The following DECR2 variants were observed in gnomAD, a reference collection of about 807,000 sequenced individuals.
DECR2 encodes 2,4-dienoyl-CoA reductase 2.
In DECR2, 34 loss-of-function variants were observed where a neutral mutation model predicts 29.2. The ratio of observed to expected loss-of-function variants is 1.16; its 90% CI spans 0.89 to 1.55. The LOEUF (loss-of-function observed/expected upper bound fraction) is 1.55, where lower values mean the gene tolerates loss of function less well. Among genes scored for constraint, DECR2 ranks in the 40% most tolerant of loss-of-function variants. The pLI, the probability that DECR2 is intolerant of heterozygous loss-of-function variation, is 0.00. For synonymous variants in DECR2, 224 were observed against 182.7 expected, an observed-to-expected ratio of 1.23 and a Z score of -1.82; for missense variants, 485 against 425.3, an observed-to-expected ratio of 1.14 and a Z score of -1.23.
At chr16:404,412 A>C (rs867922058) in intron 1 of DECR2, among the ~76,000 whole-genome samples, 12 of 147,602 alleles carry the variant, frequency 8.1e-5, no homozygotes, top group Non-Finnish European at 1.5e-5. Context: ...CTAATTTTTT[A>C]TATTTTTAGT....
Position 410,310 on chromosome 16 carries a change from C to G in DECR2, c.405C>G (p.Asp135Glu). Residue 135 changes from aspartate to glutamate, a missense_variant, in exon 5 of 9, where the codon GAC (aspartate) becomes GAG (glutamate). Asp to Glu is a conservative substitution (Grantham distance 45, BLOSUM62 2). Transcript: ENST00000219481. This position sits in a 1 kb window ranked among gnomAD's most constrained non-coding sequence, Gnocchi z 4.1. ...LSFNAFKTVM[D>E]IDTSGTFNVS... Reference sequence around the variant, plus strand: ...TCAACGCCTTCAAGACCGTGATGGACATCGATACCAGCGGCACCTTCAATG... The same window carrying G: ...TCAACGCCTTCAAGACCGTGATGGAGATCGATACCAGCGGCACCTTCAATG... 1 of 1,613,590 alleles carries G rather than the reference C, an allele frequency of 6.2e-7. No homozygotes were observed. The highest frequency in any genetic ancestry group is 8.5e-7 in the Non-Finnish European group (1 of 1,179,804).
Position 411,076 on chromosome 16 carries a change from G to C in DECR2, c.661G>C (p.Gly221Arg). ...TGGCACAGAGGGGCTCCGGCGACTG[G>C]GTAAGGCTCTCAGGGAGCCCAGGCC... is the stretch of plus-strand genomic sequence containing the variant. ...ISGTEGLRRLGGPQASLSTKV... is the reference protein window; with the variant it reads ...ISGTEGLRRLRGPQASLSTKV... The change falls in exon 7 of 9, where the codon GGT becomes CGT. Residue 221 changes from glycine (G) to arginine (R), a missense_variant and splice_region_variant. Physicochemically the swap from Gly to Arg is moderately radical, Grantham distance 125 (BLOSUM62 -2). Transcript: ENST00000219481. The C allele has an allele frequency of 7.9e-6, 12 of 1,524,442 alleles. No homozygotes were observed. The highest frequency in any genetic ancestry group is 9.7e-6 in the Non-Finnish European group (11 of 1,139,134). 94.4% of individuals were successfully genotyped at this position (1,524,442 alleles called of 1,614,324 possible).
chr16:410,314 G>C lies in DECR2; in HGVS notation c.409G>C (p.Asp137His), dbSNP rs183925447. 1 of 1,613,496 alleles carries C rather than the reference G, an allele frequency of 6.2e-7. No individual in the cohort carries two copies. ...CGCCTTCAAGACCGTGATGGACATC[G>C]ATACCAGCGGCACCTTCAATGTGTC... is the stretch of plus-strand genomic sequence containing the variant. The part of the protein sequence containing the change: ...FNAFKTVMDI[D>H]TSGTFNVSRV... Residue 137 changes from aspartate (D) to histidine (H), a missense_variant, in exon 5 of 9, where the codon GAT (aspartate) becomes CAT (histidine). By Grantham distance (81) the Asp-to-His change is moderately conservative (BLOSUM62 -1). Transcript: ENST00000219481. The surrounding 1 kb of genome is among the most constrained non-coding windows in gnomAD (Gnocchi z 4.1).
intron 2 of DECR2, chr16:405,415 AC>A (rs767295735): frequency 7.8e-5 from 60 of 766,562 alleles, no homozygotes; most frequent in Non-Finnish European, 1.1e-4. Flanking sequence ...GGGGAAAGGG[AC>A]CCTTCCTCAG....
In DECR2 at chr16:401,997, G is replaced by A. The variant is rs1282801082; in HGVS notation, c.34G>A (p.Asp12Asn). Residue 12 changes from aspartate to asparagine, a missense_variant, in exon 1 of 9, where the codon GAC becomes AAC. Physicochemically the swap from Asp to Asn is conservative, Grantham distance 23. Coordinates refer to ENST00000219481, the MANE Select transcript of DECR2 (RefSeq NM_020664.4). The part of the protein sequence containing the change: ...AQPPPDVEGD[D>N]CLPAYRHLFC... ...GCCGCCGCCCGACGTGGAGGGGGAC[G>A]ACTGTCTCCCCGCGTACCGCCACCT... The A allele has an allele frequency of 6.7e-6, 10 of 1,490,396 alleles. No individual in the cohort carries two copies. Among genetic ancestry groups the A allele is most frequent in the African/African-American group, 1.4e-5 (1 of 69,290 alleles). 92.3% of individuals were successfully genotyped at this position (1,490,396 alleles called of 1,614,324 possible). A position where few individuals can be genotyped will look rare whatever the true frequency, so the allele number is the denominator to read the frequency against.
At chr16:403,446 C>T (rs1009717879) in intron 1 of DECR2, among the ~76,000 whole-genome samples, 1 of 152,162 alleles carries the variant, frequency 6.6e-6, no homozygotes, top group Non-Finnish European at 1.5e-5. Context: ...ACAAGAAAAT[C>T]TCTAATAAAT....
chr16:406,497 C>T (rs2054725822), intron 3 of DECR2, 100 bp downstream of exon 3: 2 of 1,312,400 alleles, frequency 1.5e-6, no homozygotes, highest in African/African-American at 1.5e-5. Context: ...GATGTTGGCA[C>T]CAAAACTTTT....
chr16:406,292 C>CA, intron 2 of DECR2, 54 bp from the exon 3 acceptor site: 1 of 1,434,266 alleles, frequency 7.0e-7, no homozygotes. Flanking sequence ...TGGGCAGATG[C>CA]CCCGGGAGTG....
chr16:411,436 C>T lies in DECR2; in HGVS notation c.737C>T (p.Ala246Val), dbSNP rs1172431272. Residue 246 changes from alanine (A) to valine (V), a missense_variant, in exon 8 of 9, where the codon GCC becomes GTC. Transcript: ENST00000219481. Reference protein sequence around the residue: ...LQRLGNKTEIAHSVLYLASPL... With the variant: ...LQRLGNKTEIVHSVLYLASPL... ...AGGCTGGGGAACAAGACCGAGATCG[C>T]CCACAGCGTGCTCTACCTGGCCAGC... The T allele has an allele frequency of 1.2e-6, 2 of 1,613,446 alleles. No individual in the cohort carries two copies. The highest frequency in any genetic ancestry group is 3.3e-5 in the Admixed American group (2 of 60,004).
chr16:405,104 T>C, intron 2 of DECR2, 80 bp downstream of exon 2: 1 of 1,551,764 alleles, frequency 6.4e-7, no homozygotes, highest in Non-Finnish European at 8.9e-7. Context: ...CCTGGAAAGA[T>C]GTTGGTGGGA....
chr16:410,605 G>A lies in DECR2; in HGVS notation c.463-86G>A, dbSNP rs1447635885. 68 of 1,418,946 alleles carry A rather than the reference G, an allele frequency of 4.8e-5. No individual in the cohort carries two copies. Among genetic ancestry groups the A allele is most frequent in the Non-Finnish European group, 6.0e-5 (62 of 1,029,572 alleles). 87.9% of individuals were successfully genotyped at this position (1,418,946 alleles called of 1,614,324 possible). A position where few individuals can be genotyped will look rare whatever the true frequency, so the allele number is the denominator to read the frequency against. On this transcript the variant is annotated intron_variant, in intron 5 of 8. Coordinates refer to ENST00000219481, the MANE Select transcript of DECR2 (RefSeq NM_020664.4). This position sits in a 1 kb window ranked among gnomAD's most constrained non-coding sequence, Gnocchi z 4.1. ...GACGGCCGCCCGCTCCCTGCCCCGG[G>A]CCTCCCCCTGACAGCCACCCGCTCA...
chr16:408,624 C>T (rs1205859767), intron 4 of DECR2, among the ~76,000 whole-genome samples: 6 of 151,734 alleles, frequency 4.0e-5, no homozygotes, highest in Non-Finnish European at 1.5e-5. Flanking sequence ...CCTCCTGCCC[C>T]AGCCTCCTGA....
intron 1 of DECR2, 112 bp downstream of exon 1, chr16:402,155 G>A: frequency 3.6e-6 from 3 of 837,444 alleles, no homozygotes; most frequent in South Asian, 6.6e-5. Context: ...TGTCTTGCCT[G>A]GCTCCTTTCT....
chr16:405,427 T>G, intron 2 of DECR2: 1 of 889,046 alleles, frequency 1.1e-6, no homozygotes, highest in Non-Finnish European at 1.5e-6. Context: ...CCTTCCTCAG[T>G]TCCCCTGAGG....
chr16:408,665 G>T (rs953854575), intron 4 of DECR2, among the ~76,000 whole-genome samples: 1 of 151,594 alleles, frequency 6.6e-6, no homozygotes, highest in African/African-American at 2.4e-5. Context: ...GTGCCATCAC[G>T]CCTGGCTAAT....
At chr16:411,209 T>G in intron 7 of DECR2, 133 bp downstream of exon 7, 1 of 1,180,252 alleles carries the variant, frequency 8.5e-7, no homozygotes, top group South Asian at 1.6e-5. Context: ...AACTATGTTC[T>G]GTGCCTGGCC....
At chr16:409,422 A>G (rs1204503) in intron 4 of DECR2, among the ~76,000 whole-genome samples, 90,871 of 149,884 alleles carry the variant, frequency 0.61, 28,998 homozygotes, top group African/African-American at 0.83. Flanking sequence ...CGCCCGCCTC[A>G]GCCTCCCAAA....
rs1430467241 is a variant in DECR2, at chr16:401,924, G to A, written c.-40G>A. 8.2e-6 allele frequency: 12 copies of A among 1,467,740 alleles called. No homozygotes were observed. Among genetic ancestry groups the A allele is most frequent in the South Asian group, 3.9e-5 (3 of 77,438 alleles). 90.9% of individuals were successfully genotyped at this position (1,467,740 alleles called of 1,614,324 possible). A position where few individuals can be genotyped will look rare whatever the true frequency, so the allele number is the denominator to read the frequency against. ...GCGCCGGGTCCTGGAGGCCGAGGCC[G>A]CTCCCGCCCGTTGTCCCCGCAGTCC... On this transcript the variant is annotated 5_prime_UTR_variant, in exon 1 of 9. Transcript: ENST00000219481.
chr16:405,548 G>A (rs866864129), intron 2 of DECR2: 44 of 1,304,682 alleles, frequency 3.4e-5, no homozygotes, highest in Non-Finnish European at 4.4e-5. Context: ...TGCAGCTCCA[G>A]TGGGACCTGC....
Sources: allele counts gnomAD v4.1 joint callset (sites outside exome capture counted in the v4.1 genomes callset), GRCh38; gene constraint gnomAD v4.1.1; non-coding constraint Gnocchi (gnomAD v3.1); transcripts MANE v1.5; gene names NCBI Gene and HGNC (gene_info 2026-07-23, HGNC 2026-07-21).